Variants in GRID1 observed in about 807,000 individuals in gnomAD.
GRID1 encodes the protein glutamate ionotropic receptor delta type subunit 1.
GRID1 carries 28 observed loss-of-function variants against 98.0 expected under a neutral mutation model. That is an observed-to-expected ratio of 0.29 (90% confidence interval 0.21 to 0.39). The LOEUF is 0.39. GRID1 is among the 10% of genes least tolerant of loss of function. The pLI is 1.00. For missense variants in GRID1, 1,111 were observed against 1,340.5 expected (o/e 0.83, Z 2.67); for synonymous variants, 553 against 538.5 (o/e 1.03, Z -0.37).
intron 2 of GRID1, among the ~76,000 whole-genome samples, chr10:86,330,111 G>T (rs1204031166): frequency 6.6e-6 from 1 of 151,974 alleles, no homozygotes; most frequent in Admixed American, 6.5e-5. Flanking sequence ...GGACGAGACC[G>T]TGACTCCCCC....
intron 12 of GRID1, among the ~76,000 whole-genome samples, chr10:85,662,184 G>A (rs1219460182): frequency 6.6e-6 from 1 of 152,200 alleles, no homozygotes; most frequent in Non-Finnish European, 1.5e-5. Context: ...GATGAATGAT[G>A]TATAAGACAC....
At chr10:85,653,752 A>G (rs1840859864) in intron 12 of GRID1, among the ~76,000 whole-genome samples, 1 of 152,122 alleles carries the variant, frequency 6.6e-6, no homozygotes, top group Non-Finnish European at 1.5e-5. Flanking sequence ...TTTTATAAGG[A>G]GAAGAAGAGA....
chr10:86,092,947 T>G (rs989808715), intron 4 of GRID1, among the ~76,000 whole-genome samples: 7 of 152,160 alleles, frequency 4.6e-5, no homozygotes, highest in Non-Finnish European at 4.4e-5. Context: ...CAACAGCGCA[T>G]GGAACTTTTT....
intron 4 of GRID1, among the ~76,000 whole-genome samples, chr10:86,071,496 A>G (rs1843804095): frequency 1.3e-5 from 2 of 152,242 alleles, no homozygotes; most frequent in African/African-American, 4.8e-5. Flanking sequence ...CTCAGCAAAT[A>G]ATAACTCAGA....
chr10:86,163,150 T>C (rs565983189), intron 3 of GRID1, among the ~76,000 whole-genome samples: 1 of 152,322 alleles, frequency 6.6e-6, no homozygotes, highest in South Asian at 2.1e-4. Flanking sequence ...GTGCCCTTTA[T>C]GCATCCCAGG....
chr10:86,255,098 C>T (rs11201955), intron 2 of GRID1, among the ~76,000 whole-genome samples: 10,047 of 152,272 alleles, frequency 0.066, 492 homozygotes, highest in African/African-American at 0.14. Context: ...GGCTCCCCAC[C>T]CACCTGGATG....
At chr10:85,728,101 A>G (rs753565825) in intron 9 of GRID1, 49 bp from the exon 10 acceptor site, 1 of 1,226,384 alleles carries the variant, frequency 8.2e-7, no homozygotes, top group Admixed American at 1.7e-5. Flanking sequence ...AGGTTCATCA[A>G]CACATATTTC....
chr10:86,210,517 C>A (rs1846093336), intron 2 of GRID1, among the ~76,000 whole-genome samples: 1 of 152,242 alleles, frequency 6.6e-6, no homozygotes, highest in African/African-American at 2.4e-5. Flanking sequence ...CCTCCTGCCC[C>A]TTCCTTGGAC....
intron 12 of GRID1, among the ~76,000 whole-genome samples, chr10:85,662,232 T>A (rs1196330345): frequency 6.6e-6 from 1 of 152,200 alleles, no homozygotes; most frequent in Non-Finnish European, 1.5e-5. Flanking sequence ...CTCTCCTTTC[T>A]CCTATTCCAG....
chr10:85,967,586 TA>T (rs1337345729), intron 4 of GRID1, among the ~76,000 whole-genome samples: 1 of 152,152 alleles, frequency 6.6e-6, no homozygotes, highest in South Asian at 2.1e-4. Flanking sequence ...AAATCGTGTC[TA>T]AAAAAATTAA....
intron 4 of GRID1, among the ~76,000 whole-genome samples, chr10:86,025,483 T>C (rs1398475308): frequency 6.6e-6 from 1 of 152,180 alleles, no homozygotes; most frequent in Non-Finnish European, 1.5e-5. Flanking sequence ...CCTACGATAG[T>C]AGTCACAATC....
intron 15 of GRID1, among the ~76,000 whole-genome samples, chr10:85,612,748 T>A (rs956157310): frequency 2.1e-4 from 32 of 150,694 alleles, no homozygotes; most frequent in Non-Finnish European, 3.3e-4. Flanking sequence ...AAAAAAAAAA[T>A]TTAAAAAAGA....
intron 8 of GRID1, among the ~76,000 whole-genome samples, chr10:85,829,984 A>T (rs1842853379): frequency 6.6e-6 from 1 of 152,348 alleles, no homozygotes; most frequent in African/African-American, 2.4e-5. Flanking sequence ...GGAACCAAAA[A>T]GAGCCCAAAT....
At chr10:85,710,440 C>T (rs186097211) in intron 12 of GRID1, among the ~76,000 whole-genome samples, 46 of 152,126 alleles carry the variant, frequency 3.0e-4, no homozygotes, top group Non-Finnish European at 1.2e-4. Context: ...GCAGCTGTAC[C>T]CTTGCCTTAC....
chr10:85,729,764 C>T, intron 8 of GRID1, 150 bp from the exon 9 acceptor site: 1 of 575,018 alleles, frequency 1.7e-6, no homozygotes, highest in Non-Finnish European at 3.1e-6. Context: ...TTTTAAAACC[C>T]TAAAGAGAAT....
At chr10:86,039,391 C>G (rs1269443050) in intron 4 of GRID1, among the ~76,000 whole-genome samples, 2 of 152,206 alleles carry the variant, frequency 1.3e-5, no homozygotes, top group African/African-American at 4.8e-5. Context: ...CTGAGTTTTT[C>G]TAGCCCATGT....
chr10:85,856,321 C>T (rs1368648622), intron 6 of GRID1, 131 bp from the exon 7 acceptor site: 2 of 791,834 alleles, frequency 2.5e-6, no homozygotes, highest in African/African-American at 1.7e-5. Flanking sequence ...ATGCCAAGAT[C>T]CTCGGCTTTT....
chr10:86,235,507 A>G (rs1013470534), intron 2 of GRID1, among the ~76,000 whole-genome samples: 2 of 152,118 alleles, frequency 1.3e-5, no homozygotes, highest in Non-Finnish European at 2.9e-5. Context: ...CAATATTTCC[A>G]TACACCCCAA....
intron 8 of GRID1, among the ~76,000 whole-genome samples, chr10:85,853,650 C>A (rs1211351553): frequency 6.6e-6 from 1 of 152,184 alleles, no homozygotes; most frequent in Non-Finnish European, 1.5e-5. Context: ...CCCAGGACAG[C>A]CAGCCACTGA....
Sources: allele counts gnomAD v4.1 joint callset (sites outside exome capture counted in the v4.1 genomes callset), GRCh38; gene constraint gnomAD v4.1.1; transcripts MANE v1.5; gene names NCBI Gene and HGNC (gene_info 2026-07-23, HGNC 2026-07-21).